Variants in DROSHA observed in about 807,000 individuals in gnomAD.
The protein encoded by DROSHA is drosha ribonuclease III.
In DROSHA, 56 loss-of-function variants were observed where a neutral mutation model predicts 181.9. The observed-to-expected ratio is 0.31, with a 90% CI of 0.25 to 0.38. The LOEUF is 0.38. Ranked by LOEUF, DROSHA falls within the 10% of genes least tolerant of loss-of-function variation. The pLI is 1.00. For synonymous variants in DROSHA, 524 were observed against 591.2 expected (o/e 0.89, Z 1.65); for missense variants, 1,218 against 1,743.5 (o/e 0.70, Z 5.37).
At chr5:31,474,070 T>A (rs1259360673) in intron 16 of DROSHA, among the ~76,000 whole-genome samples, 5 of 152,206 alleles carry the variant, frequency 3.3e-5, no homozygotes, top group Non-Finnish European at 7.3e-5. Context: ...ATCACAATGG[T>A]TCCTAAATGA....
At chr5:31,406,231 A>C (rs2149984769) in intron 34 of DROSHA, among the ~76,000 whole-genome samples, 1 of 152,238 alleles carries the variant, frequency 6.6e-6, no homozygotes, top group South Asian at 2.1e-4. Flanking sequence ...ACAGAGCTGG[A>C]CACAGTGAAC....
intron 35 of DROSHA, 85 bp downstream of exon 35, chr5:31,405,592 T>A: frequency 8.3e-7 from 1 of 1,199,132 alleles, no homozygotes; most frequent in East Asian, 2.6e-5. Context: ...TTATCAATAC[T>A]TACCATTTTT....
intron 25 of DROSHA, among the ~76,000 whole-genome samples, chr5:31,431,986 G>A (rs1415401705): frequency 6.6e-6 from 1 of 152,128 alleles, no homozygotes; most frequent in Admixed American, 6.5e-5. Flanking sequence ...ACTAGCCCAG[G>A]CTGGAATAAG....
chr5:31,466,088 A>AT, intron 19 of DROSHA, 94 bp downstream of exon 19: 1 of 1,259,342 alleles, frequency 7.9e-7, no homozygotes, highest in Admixed American at 2.1e-5. Flanking sequence ...ATATTTTTCC[A>AT]TCTTGTACCA....
intron 10 of DROSHA, 144 bp downstream of exon 10, chr5:31,508,477 G>T: frequency 1.7e-6 from 2 of 1,182,550 alleles, no homozygotes; most frequent in Non-Finnish European, 2.4e-6. Context: ...CTAACCTGAA[G>T]CTGAAAAGAA....
chr5:31,414,034 C>T (rs1741657445), intron 30 of DROSHA, among the ~76,000 whole-genome samples: 1 of 152,100 alleles, frequency 6.6e-6, no homozygotes, highest in Admixed American at 6.6e-5. Flanking sequence ...GCAGCTATGG[C>T]AAATGCAAGG....
Position 31,504,623 on chromosome 5 carries a change from G to T in DROSHA, c.1600C>A (p.Pro534Thr). ...GCCTTTGCGCTGCATTTGCAGAGTG[G>T]TCCATCATTCATCTGTCAGAAACAC... ...YNDPGQMNDG[P>T]LCKCSAKARR... The change falls in exon 11 of 36, where the codon CCA becomes ACA. Residue 534 changes from proline (P) to threonine (T), a missense_variant. Coordinates refer to ENST00000344624, the MANE Select transcript of DROSHA (RefSeq NM_001382508.1). 6.2e-7 allele frequency: 1 copy of T among 1,613,840 alleles called. No individual in the cohort carries two copies.
chr5:31,431,818 A>G, intron 25 of DROSHA, 140 bp from the exon 26 acceptor site: 5 of 702,564 alleles, frequency 7.1e-6, no homozygotes, highest in Non-Finnish European at 1.2e-5. Context: ...ATATATTAAG[A>G]GAGAGTTTAG....
rs1002334896 is a variant in DROSHA at position 31,464,095 on chromosome 5, A to G, written c.2574+141T>C. 11 of 747,346 alleles carry G rather than the reference A, an allele frequency of 1.5e-5. No individual in the cohort carries two copies. The African/African-American group carries it at 2.0e-4, about 13-fold the overall frequency. The allele number at this position is 747,346 out of a possible 1,614,324, so 46.3% of individuals were successfully genotyped here. A position where few individuals can be genotyped will look rare whatever the true frequency, so the allele number is the denominator to read the frequency against. On this transcript the variant is annotated intron_variant, in intron 20 of 35. Transcript: ENST00000344624. ...ACAAAAACAAAATCCAAATAATAGA[A>G]AACAATTTATAGTTGATATTCCATT...
intron 9 of DROSHA, among the ~76,000 whole-genome samples, chr5:31,509,863 G>A (rs1738466467): frequency 6.6e-6 from 1 of 152,150 alleles, no homozygotes; most frequent in Non-Finnish European, 1.5e-5. Context: ...TAGCATAGTA[G>A]TAATAAGGGA....
intron 13 of DROSHA, chr5:31,489,011 A>T (rs1326020282): frequency 6.6e-6 from 1 of 152,234 alleles, no homozygotes; most frequent in Non-Finnish European, 1.5e-5. Flanking sequence ...GAAGATGACG[A>T]GTCTAGTTTC....
In DROSHA at chr5:31,451,655, AT is replaced by A; in HGVS notation, c.2575-16del. On this transcript the variant is annotated splice_polypyrimidine_tract_variant and intron_variant, in intron 20 of 35. Coordinates refer to ENST00000344624, the MANE Select transcript of DROSHA (RefSeq NM_001382508.1). Reference sequence around the variant, plus strand: ...ATCATTGCATGCTAGGAAAAAAAAAATTCAATATGTTTAACTTTATAAAAAC... The same window carrying A: ...ATCATTGCATGCTAGGAAAAAAAAAATCAATATGTTTAACTTTATAAAAAC... The A allele has an allele frequency of 6.4e-7, 1 of 1,572,302 alleles. No homozygotes were observed. Among genetic ancestry groups the A allele is most frequent in the East Asian group, 2.3e-5 (1 of 43,932 alleles).
Position 31,437,271 on chromosome 5 carries a change from G to A in DROSHA, c.2910C>T (p.Phe970=), listed in dbSNP as rs755906584. Residue 970 remains phenylalanine (F), a synonymous_variant, in exon 24 of 36, where the codon TTC becomes TTT. Transcript: ENST00000344624. ...GAAATTCAACAACAGCATCACCCAG[G>A]AATTCCAACCGTTCATTGTGGTTAA... The part of the protein sequence containing the change: ...SRINHNERLE[F]LGDAVVEFLT... 6.3e-7 allele frequency: 1 copy of A among 1,581,566 alleles called. No individual in the cohort carries two copies. Among genetic ancestry groups the A allele is most frequent in the South Asian group, 1.2e-5 (1 of 86,016 alleles).
intron 6 of DROSHA, among the ~76,000 whole-genome samples, chr5:31,519,517 A>G (rs916236678): frequency 6.6e-6 from 1 of 152,186 alleles, no homozygotes; most frequent in African/African-American, 2.4e-5. Context: ...CCCGGGACAC[A>G]CAAAAACACC....
chr5:31,413,833 C>T (rs371210809), intron 30 of DROSHA, among the ~76,000 whole-genome samples: 26 of 152,194 alleles, frequency 1.7e-4, no homozygotes, highest in African/African-American at 4.6e-4. Flanking sequence ...GGCTGTAACA[C>T]CAGAATCATA....
rs138360268 is a variant in DROSHA, at chr5:31,405,896, T to C, written c.3948-173A>G. Among the ~76,000 whole-genome samples the C allele has an allele frequency of 3.9e-3, 579 of 149,746 alleles. 4 individuals carry two copies. The highest frequency in any genetic ancestry group is 0.014 in the African/African-American group (554 of 40,666). On this transcript the variant is annotated intron_variant, in intron 34 of 35. Coordinates refer to ENST00000344624, the MANE Select transcript of DROSHA (RefSeq NM_001382508.1). ...AGTGTCACACACTGAATTGCACAGA[T>C]AGGAATATACACAAGAGCATGCAGA...
At chr5:31,516,872 A>C (rs1739324544) in intron 6 of DROSHA, among the ~76,000 whole-genome samples, 1 of 152,176 alleles carries the variant, frequency 6.6e-6, no homozygotes, top group Non-Finnish European at 1.5e-5. Context: ...GTTAACATTT[A>C]CTTCTCTTCC....
At chr5:31,503,368 C>T (rs754297989) in intron 11 of DROSHA, among the ~76,000 whole-genome samples, 5 of 152,208 alleles carry the variant, frequency 3.3e-5, no homozygotes, top group Non-Finnish European at 7.3e-5. Flanking sequence ...CTCCAGGAGA[C>T]CAAACTGTCA....
At chr5:31,449,722 G>T (rs1166767577) in intron 21 of DROSHA, among the ~76,000 whole-genome samples, 1 of 152,082 alleles carries the variant, frequency 6.6e-6, no homozygotes, top group African/African-American at 2.4e-5. Flanking sequence ...GGGAGACCCT[G>T]TCTCAAAAAA....
Sources: gnomAD v4.1 joint callset for allele counts (sites outside exome capture counted in the v4.1 genomes callset) on GRCh38, gnomAD v4.1.1 for gene constraint, MANE v1.5 for transcripts, NCBI Gene and HGNC (gene_info 2026-07-23, HGNC 2026-07-21) for gene names.